CCND3: variants seen among roughly 807,000 people sequenced by gnomAD.
The protein encoded by CCND3 is G1/S-specific cyclin-D3.
In CCND3, 9 loss-of-function variants were observed where a neutral mutation model predicts 28.7. The observed-to-expected ratio is 0.31, with a 90% CI of 0.19 to 0.55. The LOEUF (loss-of-function observed/expected upper bound fraction) is 0.55, where lower values mean the gene tolerates loss of function less well. Among genes scored for constraint, CCND3 ranks in the 20% least tolerant of loss-of-function variants. The pLI, the probability that CCND3 is intolerant of heterozygous loss-of-function variation, is 0.93. For missense variants in CCND3, 315 were observed against 385.8 expected, an observed-to-expected ratio of 0.82 and a Z score of 1.54; for synonymous variants, 164 against 163.9, an observed-to-expected ratio of 1.00 and a Z score of 0.00.
At chr6:42,030,358 C>G (rs1440547533) in intron 1 of CCND3, among the ~76,000 whole-genome samples, 2 of 152,096 alleles carry the variant, frequency 1.3e-5, no homozygotes, top group African/African-American at 4.8e-5. Flanking sequence ...TGACTTGAAC[C>G]CTCAGGAAAT....
chr6:41,951,350 C>G (rs975150432), intron 1 of CCND3, among the ~76,000 whole-genome samples: 1 of 151,486 alleles, frequency 6.6e-6, no homozygotes, highest in Non-Finnish European at 1.5e-5. Flanking sequence ...GTCAAGAGAT[C>G]GAGACCAACC....
chr6:41,981,124 C>A (rs974860412), intron 1 of CCND3, among the ~76,000 whole-genome samples: 2 of 29,308 alleles, frequency 6.8e-5, no homozygotes, highest in Non-Finnish European at 6.7e-5. Context: ...TGTAGAAAAT[C>A]CAAAAGAATT....
chr6:41,945,725 T>A (rs1238335202), upstream of CCND3, among the ~76,000 whole-genome samples: 1 of 152,206 alleles, frequency 6.6e-6, no homozygotes, highest in Non-Finnish European at 1.5e-5. Flanking sequence ...GCTCCACAGC[T>A]TATGACTTTG....
intron 1 of CCND3, among the ~76,000 whole-genome samples, chr6:42,019,424 G>A (rs867542349): frequency 2.0e-5 from 3 of 148,836 alleles, no homozygotes; most frequent in South Asian, 2.1e-4. Flanking sequence ...GGGAGATGGA[G>A]GTTGCAGTGA....
rs73426236 is a variant in CCND3, at chr6:41,951,747, C to A, written c.-45-11162G>T. Among the ~76,000 whole-genome samples, 1,397 of 151,470 alleles carry A rather than the reference C, an allele frequency of 9.2e-3. 26 individuals are homozygous for A. The highest frequency in any genetic ancestry group is 0.033 in the African/African-American group (1,341 of 41,250). On this transcript the variant is annotated intron_variant, in intron 1 of 4. Coordinates refer to the CCND3 transcript ENST00000372988. ...CTATTAGGTAGTAATAATAATAGAT[C>A]CCACTTATTTTTTATTTTTTTTATT...
chr6:42,004,009 C>A (rs1413356215), intron 1 of CCND3, among the ~76,000 whole-genome samples: 1 of 144,296 alleles, frequency 6.9e-6, no homozygotes, highest in African/African-American at 2.6e-5. Context: ...GTAATATGAT[C>A]AATAAAAAGA....
intron 1 of CCND3, among the ~76,000 whole-genome samples, chr6:42,034,459 C>T (rs147768053): frequency 0.012 from 1,682 of 140,542 alleles, 42 homozygotes; most frequent in East Asian, 0.09. Flanking sequence ...CCTGGCCAAC[C>T]CTGTCACTCT....
chr6:41,936,343 G>A lies in CCND3; in HGVS notation c.711+216C>T. 1.5e-6 allele frequency: 1 copy of A among 669,168 alleles called. No individual in the cohort carries two copies. Among genetic ancestry groups the A allele is most frequent in the Non-Finnish European group, 2.5e-6 (1 of 404,058 alleles). The allele number at this position is 669,168 out of a possible 1,614,324, so 41.5% of individuals were successfully genotyped here. On this transcript the variant is annotated intron_variant, in intron 4 of 4. Coordinates refer to ENST00000372991, the MANE Select transcript of CCND3 (RefSeq NM_001760.5). This position sits in a 1 kb window ranked among gnomAD's most constrained non-coding sequence, Gnocchi z 4.4. Reference sequence around the variant, plus strand: ...CACCCCCACTCCAGCACACCACTTGGCAAGAAAAGAACCCCTAGGGCCAGT... The same window carrying A: ...CACCCCCACTCCAGCACACCACTTGACAAGAAAAGAACCCCTAGGGCCAGT...
intron 1 of CCND3, among the ~76,000 whole-genome samples, chr6:42,037,564 T>G (rs1175266165): frequency 6.6e-6 from 1 of 152,040 alleles, no homozygotes; most frequent in Non-Finnish European, 1.5e-5. Flanking sequence ...TATGTTAACA[T>G]GCAATGAGTT....
At chr6:42,003,140 C>A (rs1228503096) in intron 1 of CCND3, among the ~76,000 whole-genome samples, 6 of 122,524 alleles carry the variant, frequency 4.9e-5, no homozygotes, top group African/African-American at 6.8e-5. Context: ...CCAGCCTGGA[C>A]AACAAGAGCG....
Position 42,036,403 on chromosome 6 carries a change from A to ATATATAT in CCND3, c.-46+12097_-46+12098insATATATA, listed in dbSNP as rs57619585. Reference sequence around the variant, plus strand: ...TATATATATATATATATATATATATATTTTTTTTTTTTTTTTTTTTTTTTG... The same window carrying ATATATAT: ...TATATATATATATATATATATATATATATATATTTTTTTTTTTTTTTTTTTTTTTTTG... On this transcript the variant is annotated intron_variant, in intron 1 of 4. Transcript: ENST00000372988. 3.0e-3 allele frequency among the ~76,000 whole-genome samples: 94 copies of ATATATAT among 31,320 alleles called. 1 individual carries two copies. The highest frequency in any genetic ancestry group is 6.2e-3 in the South Asian group (3 of 484). 20.5% of individuals were successfully genotyped at this position (31,320 alleles called of 152,430 possible). A position where few individuals can be genotyped will look rare whatever the true frequency, so the allele number is the denominator to read the frequency against.
chr6:42,017,401 T>C (rs988089521), intron 1 of CCND3, among the ~76,000 whole-genome samples: 2 of 152,230 alleles, frequency 1.3e-5, no homozygotes, highest in African/African-American at 4.8e-5. Context: ...ATGAGTCACA[T>C]TGCTGCTGGC....
At chr6:42,032,620 C>T (rs1167639149) in intron 1 of CCND3, among the ~76,000 whole-genome samples, 1 of 152,238 alleles carries the variant, frequency 6.6e-6, no homozygotes, top group Non-Finnish European at 1.5e-5. Flanking sequence ...TTTTAATGTG[C>T]CCATGTCCTG....
chr6:41,994,291 T>C (rs1186361315), intron 1 of CCND3, among the ~76,000 whole-genome samples: 1 of 152,012 alleles, frequency 6.6e-6, no homozygotes, highest in African/African-American at 2.4e-5. Context: ...AGGAGGCTAT[T>C]CCATCTAGGT....
At chr6:41,960,560 G>A (rs1344997445) in intron 1 of CCND3, among the ~76,000 whole-genome samples, 1 of 152,164 alleles carries the variant, frequency 6.6e-6, no homozygotes, top group African/African-American at 2.4e-5. Context: ...TGTGTGACCG[G>A]GGGAAATTAT....
intron 1 of CCND3, among the ~76,000 whole-genome samples, chr6:41,979,643 C>A (rs201978577): frequency 0.16 from 14,100 of 86,468 alleles, 782 homozygotes; most frequent in African/African-American, 0.21. Context: ...CTCTCTCTCT[C>A]TATATATATA....
intron 1 of CCND3, among the ~76,000 whole-genome samples, chr6:41,966,286 A>G (rs2127406327): frequency 6.6e-6 from 1 of 152,278 alleles, no homozygotes; most frequent in East Asian, 1.9e-4. Flanking sequence ...TCAGCCAGAT[A>G]TGGTGGTGCA....
chr6:42,023,309 C>G (rs548209528), intron 1 of CCND3, among the ~76,000 whole-genome samples: 125 of 152,178 alleles, frequency 8.2e-4, no homozygotes, highest in Non-Finnish European at 1.4e-3. Context: ...GCGAATGTTT[C>G]TAAGTACAAG....
chr6:41,935,345 G>A lies in CCND3; in HGVS notation c.*595C>T, dbSNP rs1347743290. On this transcript the variant is annotated 3_prime_UTR_variant, in exon 5 of 5. Transcript: ENST00000372991. The stretch of plus-strand genomic sequence containing the variant: ...AGCAGCAAAGCTGTCAATCACACAG[G>A]AGAAGCTGAGCAGAAAGCAAAGCAA... 4.2e-6 allele frequency: 1 copy of A among 235,426 alleles called. No homozygotes were observed. Among genetic ancestry groups the A allele is most frequent in the African/African-American group, 2.2e-5 (1 of 45,438 alleles). The allele number at this position is 235,426 out of a possible 1,614,324, so 14.6% of individuals were successfully genotyped here.
Sources: gnomAD v4.1 joint callset for allele counts (sites outside exome capture counted in the v4.1 genomes callset) on GRCh38, gnomAD v4.1.1 for gene constraint, Gnocchi (gnomAD v3.1) non-coding constraint, MANE v1.5 for transcripts, NCBI Gene and HGNC (gene_info 2026-07-23, HGNC 2026-07-21) for gene names.